MCF2L2: variants seen among roughly 807,000 people sequenced by gnomAD.
MCF2L2 encodes MCF.2 cell line derived transforming sequence-like 2.
Under a neutral mutation model 150.2 loss-of-function variants are expected in MCF2L2, and 102 were observed. That is an observed-to-expected ratio of 0.68 (90% CI 0.58 to 0.80). The LOEUF is 0.80. MCF2L2 is among the 30% of genes least tolerant of loss of function. The pLI is 0.00. For missense variants in MCF2L2, 1,256 were observed against 1,372.8 expected (o/e 0.91, Z 1.34); for synonymous variants, 465 against 491.3 (o/e 0.95, Z 0.71).
In MCF2L2 at chr3:183,207,797, C is replaced by A; in HGVS notation, c.2523G>T (p.Leu841=). 2 of 1,614,056 alleles carry A rather than the reference C, an allele frequency of 1.2e-6. No individual in the cohort carries two copies. The highest frequency in any genetic ancestry group is 1.7e-6 in the Non-Finnish European group (2 of 1,179,998). ...AGACGCTGAAAGGGCCGTGCAGCAACAGCTTGCCTAGTTTTCCAATATCGT... is the reference window on the plus strand; with the variant it reads ...AGACGCTGAAAGGGCCGTGCAGCAAAAGCTTGCCTAGTTTTCCAATATCGT... The part of the protein sequence containing the change: ...CPDDIGKLGK[L]LLHGPFSVWT... The change falls in exon 23 of 30, where the codon CTG becomes CTT. Residue 841 remains leucine, a synonymous_variant. Transcript: ENST00000328913.
chr3:183,326,504 A>AC (rs1438195430), intron 5 of MCF2L2, among the ~76,000 whole-genome samples: 4 of 148,834 alleles, frequency 2.7e-5, no homozygotes, highest in Non-Finnish European at 4.5e-5. Flanking sequence ...AAAAAAAAAA[A>AC]AAAAAAAAAA....
intron 15 of MCF2L2, among the ~76,000 whole-genome samples, chr3:183,264,615 A>G (rs991224821): frequency 2.0e-5 from 3 of 152,218 alleles, no homozygotes; most frequent in Non-Finnish European, 4.4e-5. Flanking sequence ...TTTAACTTGT[A>G]CTTAGAAGTG....
In MCF2L2 at chr3:183,297,008, C is replaced by T. The variant is rs1294961136; in HGVS notation, c.1465G>A (p.Glu489Lys). 10 of 1,613,814 alleles carry T rather than the reference C, an allele frequency of 6.2e-6. No homozygotes were observed. Among genetic ancestry groups the T allele is most frequent in the Admixed American group, 1.7e-5 (1 of 59,974 alleles). ...PLLSPKEFYNEFELLLTLDAK... is the reference protein window; with the variant it reads ...PLLSPKEFYNKFELLLTLDAK... ...TCGAGGGTGAGCAGCAACTCAAACT[C>T]GTTGTAAAACTCCTTGGGGCTGAGC... The change falls in exon 12 of 30, where the codon GAG becomes AAG. Residue 489 changes from glutamate (E) to lysine (K), a missense_variant. Coordinates refer to ENST00000328913, the MANE Select transcript of MCF2L2 (RefSeq NM_015078.4).
intron 3 of MCF2L2, among the ~76,000 whole-genome samples, chr3:183,356,325 C>T (rs1262748340): frequency 1.3e-5 from 2 of 151,824 alleles, no homozygotes; most frequent in Non-Finnish European, 2.9e-5. Context: ...CCATCCTGGC[C>T]AACACGGTGA....
chr3:183,412,291 G>GT (rs1222758231), intron 1 of MCF2L2, among the ~76,000 whole-genome samples: 79 of 112,216 alleles, frequency 7.0e-4, no homozygotes, highest in Admixed American at 4.6e-3. Context: ...TTGTTTGTTT[G>GT]TTGTTGTTGT....
At chr3:183,196,255 T>C (rs1328050239) in intron 25 of MCF2L2, among the ~76,000 whole-genome samples, 2 of 152,140 alleles carry the variant, frequency 1.3e-5, no homozygotes, top group Non-Finnish European at 2.9e-5. Context: ...TCTCTCTACA[T>C]CCCTCATTGG....
Position 183,179,813 on chromosome 3 carries a change from G to C in MCF2L2, c.3106-121C>G. 1.1e-6 allele frequency: 1 copy of C among 870,558 alleles called. No homozygotes were observed. The highest frequency in any genetic ancestry group is 2.4e-5 in the Admixed American group (1 of 41,144). 53.9% of individuals were successfully genotyped at this position (870,558 alleles called of 1,614,324 possible). A position where few individuals can be genotyped will look rare whatever the true frequency, so the allele number is the denominator to read the frequency against. On this transcript the variant is annotated intron_variant, in intron 28 of 29. Coordinates refer to ENST00000328913, the MANE Select transcript of MCF2L2 (RefSeq NM_015078.4). The surrounding 1 kb of genome is among the most constrained non-coding windows in gnomAD (Gnocchi z 4.2). The stretch of plus-strand genomic sequence containing the variant: ...ACCCCAGCCCTCCCACCTGGGCCAC[G>C]GGGCTCTCAGCGGGAGCCCCAGTTA...
At chr3:183,427,142 T>C (rs924014992) in intron 1 of MCF2L2, among the ~76,000 whole-genome samples, 1 of 152,154 alleles carries the variant, frequency 6.6e-6, no homozygotes, top group African/African-American at 2.4e-5. Flanking sequence ...AATGTGTGTC[T>C]TTACTGAGGG....
At chr3:183,319,882 T>C (rs1017632148) in intron 6 of MCF2L2, among the ~76,000 whole-genome samples, 2 of 152,124 alleles carry the variant, frequency 1.3e-5, no homozygotes, top group African/African-American at 2.4e-5. Context: ...TTAAGGGCCC[T>C]AGGATTTTTG....
At chr3:183,287,500 G>A (rs970991900) in intron 14 of MCF2L2, 15 of 152,190 alleles carry the variant, frequency 9.9e-5, no homozygotes, top group African/African-American at 3.6e-4. Context: ...CACTTTTGAA[G>A]AGGACCACAA....
At chr3:183,254,275 G>A (rs1201737482) in intron 15 of MCF2L2, 1 of 151,814 alleles carries the variant, frequency 6.6e-6, no homozygotes, top group Non-Finnish European at 1.5e-5. Flanking sequence ...GGCTGGCGTG[G>A]ACACCGGATC....
intron 7 of MCF2L2, among the ~76,000 whole-genome samples, chr3:183,314,581 A>G (rs1021429486): frequency 1.7e-4 from 26 of 152,110 alleles, no homozygotes; most frequent in African/African-American, 3.1e-4. Flanking sequence ...CCCAGGAGAA[A>G]GGAATTCAAG....
intron 3 of MCF2L2, among the ~76,000 whole-genome samples, chr3:183,368,700 G>T (rs376635581): frequency 6.6e-6 from 1 of 152,162 alleles, no homozygotes; most frequent in African/African-American, 2.4e-5. Context: ...AGAGGCAGAG[G>T]TTGCAGTGAG....
rs577147009 is a variant in MCF2L2 at position 183,270,573 on chromosome 3, G to A, written c.1862+6299C>T. 2 of 1,614,190 alleles carry A rather than the reference G, an allele frequency of 1.2e-6. No individual in the cohort carries two copies. Among genetic ancestry groups the A allele is most frequent in the East Asian group, 2.2e-5 (1 of 44,880 alleles). On this transcript the variant is annotated intron_variant, in intron 15 of 29. Coordinates refer to ENST00000328913, the MANE Select transcript of MCF2L2 (RefSeq NM_015078.4). This position sits in a 1 kb window ranked among gnomAD's most constrained non-coding sequence, Gnocchi z 4.5. Reference sequence around the variant, plus strand: ...TGACTACACAGCCGGAGCTGCCTATGTAATCTCCGGTGATGTAGCTGCCAA... The same window carrying A: ...TGACTACACAGCCGGAGCTGCCTATATAATCTCCGGTGATGTAGCTGCCAA...
rs958404957 is a variant in MCF2L2 at position 183,178,298 on chromosome 3, C to T, written c.*1082G>A. 6.6e-6 allele frequency: 1 copy of T among 152,250 alleles called. No individual in the cohort carries two copies. Among genetic ancestry groups the T allele is most frequent in the African/African-American group, 2.4e-5 (1 of 41,428 alleles). 9.4% of individuals were successfully genotyped at this position (152,250 alleles called of 1,614,324 possible). On this transcript the variant is annotated 3_prime_UTR_variant, in exon 30 of 30. Coordinates refer to ENST00000328913, the MANE Select transcript of MCF2L2 (RefSeq NM_015078.4). ...TGGCTAACACGGGGAAACCCCGTCT[C>T]TACTAAAAATCCAAATAAAAAATTA...
chr3:183,331,733 C>T (rs1176559305), intron 5 of MCF2L2, among the ~76,000 whole-genome samples: 1 of 152,138 alleles, frequency 6.6e-6, no homozygotes, highest in East Asian at 1.9e-4. Flanking sequence ...GCAACAGGGA[C>T]TCAGAAACCA....
intron 5 of MCF2L2, among the ~76,000 whole-genome samples, 178 bp from the exon 6 acceptor site, chr3:183,323,529 T>C (rs542343195): frequency 2.6e-5 from 4 of 151,962 alleles, no homozygotes; most frequent in Non-Finnish European, 5.9e-5. Flanking sequence ...CAGTCGCTCA[T>C]GCCGGTAATC....
intron 5 of MCF2L2, among the ~76,000 whole-genome samples, chr3:183,326,492 C>CAAAAA (rs890481068): frequency 3.8e-4 from 15 of 39,376 alleles, no homozygotes; most frequent in East Asian, 9.3e-4. Context: ...AACTCCGTCT[C>CAAAAA]AAAAAAAAAA....
intron 5 of MCF2L2, among the ~76,000 whole-genome samples, chr3:183,333,053 T>C (rs1328643345): frequency 1.3e-5 from 2 of 152,144 alleles, no homozygotes; most frequent in African/African-American, 4.8e-5. Flanking sequence ...ATTTTATTTT[T>C]ATTTATTTTT....
Sources: gnomAD v4.1 joint callset for allele counts (sites outside exome capture counted in the v4.1 genomes callset) on GRCh38, gnomAD v4.1.1 for gene constraint, Gnocchi (gnomAD v3.1) non-coding constraint, MANE v1.5 for transcripts, NCBI Gene and HGNC (gene_info 2026-07-23, HGNC 2026-07-21) for gene names.